ZNF532: variants seen among roughly 807,000 people sequenced by gnomAD.
The protein encoded by ZNF532 is zinc finger protein 532.
A neutral mutation model predicts 89.3 loss-of-function variants in ZNF532; 22 were observed. The ratio of observed to expected loss-of-function variants is 0.25; its 90% CI spans 0.18 to 0.35. The LOEUF (loss-of-function observed/expected upper bound fraction) is 0.35, where lower values mean the gene tolerates loss of function less well. ZNF532 is among the 10% of genes least tolerant of loss of function. The probability of loss-of-function intolerance (pLI) is 1.00; values close to 1 mark genes in which losing one functional copy is unlikely to be tolerated. For synonymous variants in ZNF532, 606 were observed against 649.6 expected, an observed-to-expected ratio of 0.93 and a Z score of 1.02; for missense variants, 1,132 against 1,643.4, an observed-to-expected ratio of 0.69 and a Z score of 5.38.
chr18:58,974,461 C>T (rs374897864), intron 7 of ZNF532, among the ~76,000 whole-genome samples: 7 of 152,260 alleles, frequency 4.6e-5, no homozygotes, highest in African/African-American at 1.4e-4. Context: ...ATGGACCCAC[C>T]GTACACAATG....
At position 58,947,969 on chromosome 18, in the gene ZNF532, A is replaced by G. The variant is rs926730463; in HGVS notation, c.2706-98A>G. 10 of 1,159,274 alleles carry G rather than the reference A, an allele frequency of 8.6e-6. No individual in the cohort carries two copies. The Admixed American group carries it at 1.2e-4, about 14-fold the overall frequency. 71.8% of individuals were successfully genotyped at this position (1,159,274 alleles called of 1,614,324 possible). On this transcript the variant is annotated intron_variant, in intron 5 of 9. Coordinates refer to ENST00000591808, the MANE Select transcript of ZNF532 (RefSeq NM_001375912.1). ...TATTTATTGTGTTTGTGTGTTCTCAATGTGCCTCTGCCTCCCAAGTTCTTC... is the reference window on the plus strand; with the variant it reads ...TATTTATTGTGTTTGTGTGTTCTCAGTGTGCCTCTGCCTCCCAAGTTCTTC...
intron 8 of ZNF532, chr18:58,980,753 C>T (rs1322228306): frequency 6.6e-6 from 1 of 152,324 alleles, no homozygotes; most frequent in Non-Finnish European, 1.5e-5. Context: ...ACCGATTCTC[C>T]TGCCTCAGCC....
At chr18:58,892,157 A>G (rs1353725413) in intron 2 of ZNF532, among the ~76,000 whole-genome samples, 5 of 152,222 alleles carry the variant, frequency 3.3e-5, no homozygotes, top group Non-Finnish European at 7.3e-5. Context: ...TTAAACATAT[A>G]TCTTCAGGAT....
intron 7 of ZNF532, among the ~76,000 whole-genome samples, chr18:58,955,060 C>T (rs978920889): frequency 1.3e-5 from 2 of 152,102 alleles, no homozygotes; most frequent in Non-Finnish European, 2.9e-5. Flanking sequence ...CTCTTTATCT[C>T]ATATTCCTGG....
In ZNF532 at chr18:58,890,673, C is replaced by T. The variant is rs199774324; in HGVS notation, c.-18+25094C>T. Among the ~76,000 whole-genome samples the T allele has an allele frequency of 2.0e-5, 3 of 151,610 alleles. No homozygotes were observed. In the East Asian group the frequency reaches 5.8e-4, roughly 29 times the overall value. ...TATTAAGTACTACCTGTATTCTCACCAGTCACTGTAATATGACTGTATGCC... is the reference window on the plus strand; with the variant it reads ...TATTAAGTACTACCTGTATTCTCACTAGTCACTGTAATATGACTGTATGCC... On this transcript the variant is annotated intron_variant, in intron 2 of 9. Coordinates refer to ENST00000591808, the MANE Select transcript of ZNF532 (RefSeq NM_001375912.1).
At chr18:58,942,167 C>T (rs553871625) in intron 5 of ZNF532, among the ~76,000 whole-genome samples, 219 of 151,760 alleles carry the variant, frequency 1.4e-3, no homozygotes, top group Non-Finnish European at 2.5e-3. Flanking sequence ...GGACTACAGG[C>T]GCCCACCACC....
At position 58,880,772 on chromosome 18, in the gene ZNF532, GT is replaced by G. The variant is rs1292881283; in HGVS notation, c.-18+15194del. Reference sequence around the variant, plus strand: ...CATAGGCGCGCGCGCACGCGCGCGCGTCTGTGTGTGTGTGTGTATGTTTGGG... The same window carrying G: ...CATAGGCGCGCGCGCACGCGCGCGCGCTGTGTGTGTGTGTGTATGTTTGGG... On this transcript the variant is annotated intron_variant, in intron 2 of 9. Coordinates refer to ENST00000591808, the MANE Select transcript of ZNF532 (RefSeq NM_001375912.1). Among the ~76,000 whole-genome samples the G allele has an allele frequency of 8.9e-3, 1,131 of 127,596 alleles. 13 individuals are homozygous for G. The highest frequency in any genetic ancestry group is 0.032 in the African/African-American group (1,045 of 32,520). The allele number at this position is 127,596 out of a possible 152,430, so 83.7% of individuals were successfully genotyped here.
chr18:58,875,394 C>G (rs1203252562), intron 2 of ZNF532, among the ~76,000 whole-genome samples: 1 of 152,152 alleles, frequency 6.6e-6, no homozygotes, highest in African/African-American at 2.4e-5. Context: ...TTGGACAATG[C>G]TGTTCTGGAA....
chr18:58,869,061 CG>C (rs1050889836), intron 2 of ZNF532, among the ~76,000 whole-genome samples: 7 of 152,014 alleles, frequency 4.6e-5, no homozygotes, highest in African/African-American at 1.7e-4. Context: ...ATAAAAGGTA[CG>C]GGAAAAATAT....
At chr18:58,917,560 T>C (rs567972736) in intron 2 of ZNF532, among the ~76,000 whole-genome samples, 19 of 152,326 alleles carry the variant, frequency 1.2e-4, no homozygotes, top group African/African-American at 4.6e-4. Context: ...TGTATTCATA[T>C]ATCCTTCATG....
At chr18:58,877,712 A>G (rs1294215271) in intron 2 of ZNF532, among the ~76,000 whole-genome samples, 2 of 152,220 alleles carry the variant, frequency 1.3e-5, no homozygotes, top group Non-Finnish European at 2.9e-5. Context: ...TGGTGACAGT[A>G]TCGGCTCTGG....
At chr18:58,977,264 C>T (rs2067166125) in intron 7 of ZNF532, among the ~76,000 whole-genome samples, 1 of 152,182 alleles carries the variant, frequency 6.6e-6, no homozygotes, top group Admixed American at 6.5e-5. Context: ...TTGACTATTA[C>T]AAGAGCATTT....
chr18:58,899,018 G>GA (rs1181664241), intron 2 of ZNF532, among the ~76,000 whole-genome samples: 1 of 152,278 alleles, frequency 6.6e-6, no homozygotes, highest in African/African-American at 2.4e-5. Context: ...GGCCGGGGCA[G>GA]AGCCCCCTTT....
At chr18:58,876,712 A>G (rs929990928) in intron 2 of ZNF532, among the ~76,000 whole-genome samples, 1 of 152,198 alleles carries the variant, frequency 6.6e-6, no homozygotes, top group Admixed American at 6.5e-5. Context: ...AGATGGGGCA[A>G]AGGTGCCTGT....
At chr18:58,908,663 A>G (rs1022829712) in intron 2 of ZNF532, among the ~76,000 whole-genome samples, 1 of 152,246 alleles carries the variant, frequency 6.6e-6, no homozygotes, top group Non-Finnish European at 1.5e-5. Context: ...CTAATGCATA[A>G]TTTGCAACAA....
intron 2 of ZNF532, among the ~76,000 whole-genome samples, chr18:58,869,487 C>A (rs1372500412): frequency 6.6e-6 from 1 of 152,206 alleles, no homozygotes; most frequent in African/African-American, 2.4e-5. Context: ...CTAATTTTTA[C>A]ATTCAGGTTC....
chr18:58,947,286 A>T (rs1402422360), intron 5 of ZNF532, among the ~76,000 whole-genome samples: 1 of 151,990 alleles, frequency 6.6e-6, no homozygotes, highest in Non-Finnish European at 1.5e-5. Context: ...GCAGCCCTTT[A>T]CCCTCTCAAG....
intron 7 of ZNF532, 150 bp downstream of exon 7, chr18:58,953,949 A>G: frequency 1.4e-6 from 2 of 1,422,294 alleles, no homozygotes. Context: ...TCACTTCTTT[A>G]TCTGTGAAAT....
chr18:58,959,419 C>T (rs2065136065), intron 7 of ZNF532, among the ~76,000 whole-genome samples: 2 of 151,938 alleles, frequency 1.3e-5, no homozygotes, highest in South Asian at 4.2e-4. Flanking sequence ...ACCACCACAC[C>T]CAGCTAATTT....
Sources: gnomAD v4.1 joint callset for allele counts (sites outside exome capture counted in the v4.1 genomes callset) on GRCh38, gnomAD v4.1.1 for gene constraint, MANE v1.5 for transcripts, NCBI Gene and HGNC (gene_info 2026-07-23, HGNC 2026-07-21) for gene names.